Variants in PCMTD1 observed in about 807,000 individuals in gnomAD.
PCMTD1 encodes the protein protein-L-isoaspartate (D-aspartate) O-methyltransferase domain containing 1.
A neutral mutation model predicts 37.6 loss-of-function variants in PCMTD1; 12 were observed. That is an observed-to-expected ratio of 0.32 (90% CI 0.20 to 0.52). PCMTD1 has a LOEUF of 0.52. Among genes scored for constraint, PCMTD1 ranks in the 20% least tolerant of loss-of-function variants. PCMTD1 has a pLI of 0.97. For synonymous variants in PCMTD1, 117 were observed against 135.8 expected, an observed-to-expected ratio of 0.86 and a Z score of 0.96; for missense variants, 235 against 421.3, an observed-to-expected ratio of 0.56 and a Z score of 3.87.
At chr8:51,831,724 CTATAAGA>C (rs1254109380) in intron 4 of PCMTD1, among the ~76,000 whole-genome samples, 157 bp from the exon 5 acceptor site, 8 of 152,130 alleles carry the variant, frequency 5.3e-5, no homozygotes, top group Admixed American at 3.9e-4. Flanking sequence ...TAAATATTTA[CTATAAGA>C]TATAAAAGGA....
intron 1 of PCMTD1, among the ~76,000 whole-genome samples, chr8:51,871,492 G>A (rs768869538): frequency 6.6e-6 from 1 of 152,158 alleles, no homozygotes; most frequent in Non-Finnish European, 1.5e-5. Flanking sequence ...AAACTCTTTG[G>A]TTTAATTCCA....
chr8:51,897,803 A>G (rs1237078394), intron 1 of PCMTD1, among the ~76,000 whole-genome samples: 1 of 152,212 alleles, frequency 6.6e-6, no homozygotes, highest in East Asian at 1.9e-4. Flanking sequence ...TCTAATACAT[A>G]GTAATAATGT....
At chr8:51,850,961 C>G (rs995953706) in intron 2 of PCMTD1, among the ~76,000 whole-genome samples, 1 of 151,878 alleles carries the variant, frequency 6.6e-6, no homozygotes, top group East Asian at 1.9e-4. Flanking sequence ...TAAAACAGAC[C>G]AAAGGTGAAT....
intron 5 of PCMTD1, among the ~76,000 whole-genome samples, chr8:51,829,035 C>T (rs1462468061): frequency 6.6e-6 from 1 of 152,118 alleles, no homozygotes; most frequent in East Asian, 1.9e-4. Flanking sequence ...CGAAAGTATA[C>T]GTTACTAACA....
chr8:51,893,945 A>G (rs1455210000), intron 1 of PCMTD1, among the ~76,000 whole-genome samples: 2 of 152,244 alleles, frequency 1.3e-5, no homozygotes, highest in Non-Finnish European at 2.9e-5. Flanking sequence ...AAGGAACAGT[A>G]AGACATAGTT....
At chr8:51,844,751 T>G (rs2038194883) in intron 3 of PCMTD1, 1 of 152,208 alleles carries the variant, frequency 6.6e-6, no homozygotes, top group African/African-American at 2.4e-5. Flanking sequence ...TAGATCTTTC[T>G]AGAGAAAAGC....
chr8:51,857,000 G>T (rs2038399763), intron 2 of PCMTD1, among the ~76,000 whole-genome samples: 1 of 152,196 alleles, frequency 6.6e-6, no homozygotes, highest in Admixed American at 6.5e-5. Context: ...GAGGCAGAGC[G>T]AGCAAGAGAG....
At chr8:51,855,826 A>G (rs1262522895) in intron 2 of PCMTD1, among the ~76,000 whole-genome samples, 3 of 151,796 alleles carry the variant, frequency 2.0e-5, no homozygotes, top group African/African-American at 7.2e-5. Flanking sequence ...TGCCTGGCTA[A>G]TTTTTTGATG....
intron 1 of PCMTD1, among the ~76,000 whole-genome samples, chr8:51,879,705 T>C (rs2038765179): frequency 6.6e-6 from 1 of 152,132 alleles, no homozygotes; most frequent in African/African-American, 2.4e-5. Context: ...GAAGACATTC[T>C]AAATTAAAAA....
chr8:51,823,365 G>T (rs2037875978), intron 5 of PCMTD1, among the ~76,000 whole-genome samples: 1 of 152,210 alleles, frequency 6.6e-6, no homozygotes, highest in African/African-American at 2.4e-5. Context: ...TCAGTAGGCT[G>T]AGATGGGAGG....
At chr8:51,887,116 G>A (rs1027429864) in intron 1 of PCMTD1, among the ~76,000 whole-genome samples, 1 of 151,958 alleles carries the variant, frequency 6.6e-6, no homozygotes, top group African/African-American at 2.4e-5. Flanking sequence ...TGGGCTTATC[G>A]GGATAATCCA....
chr8:51,865,400 T>C (rs1352836219), intron 1 of PCMTD1, among the ~76,000 whole-genome samples: 1 of 152,100 alleles, frequency 6.6e-6, no homozygotes, highest in East Asian at 1.9e-4. Context: ...CTAATATCCC[T>C]GATGAACATA....
chr8:51,856,880 T>C (rs895631190), intron 2 of PCMTD1, among the ~76,000 whole-genome samples: 2 of 152,166 alleles, frequency 1.3e-5, no homozygotes, highest in East Asian at 1.9e-4. Context: ...CAACTAGGCA[T>C]GGGGAATAAT....
chr8:51,873,272 C>T (rs941903580), intron 1 of PCMTD1, among the ~76,000 whole-genome samples: 2 of 152,032 alleles, frequency 1.3e-5, no homozygotes, highest in East Asian at 1.9e-4. Context: ...ATTTCCCATA[C>T]AATAAAGGGA....
chr8:51,874,419 G>T (rs2038683846), intron 1 of PCMTD1, among the ~76,000 whole-genome samples: 1 of 108,262 alleles, frequency 9.2e-6, no homozygotes, highest in African/African-American at 2.5e-5. Context: ...ACCAGGGAAA[G>T]AATTTCAAAG....
intron 5 of PCMTD1, among the ~76,000 whole-genome samples, chr8:51,826,570 AAC>A (rs776931881): frequency 1.3e-5 from 2 of 152,204 alleles, no homozygotes; most frequent in Non-Finnish European, 2.9e-5. Flanking sequence ...GGTTATCTCT[AAC>A]ACACACATTA....
At chr8:51,860,259 T>A (rs2038451946) in intron 2 of PCMTD1, among the ~76,000 whole-genome samples, 3 of 152,226 alleles carry the variant, frequency 2.0e-5, no homozygotes, top group Non-Finnish European at 4.4e-5. Context: ...AAACAATACC[T>A]AGCATTTAAC....
chr8:51,862,056 C>G (rs1445998506), intron 1 of PCMTD1, among the ~76,000 whole-genome samples: 1 of 151,518 alleles, frequency 6.6e-6, no homozygotes, highest in African/African-American at 2.4e-5. Flanking sequence ...CTTTATAGTA[C>G]AGTATAGTAT....
chr8:51,821,841 T>G (rs1023510746), intron 5 of PCMTD1, among the ~76,000 whole-genome samples: 2 of 151,682 alleles, frequency 1.3e-5, no homozygotes, highest in Non-Finnish European at 2.9e-5. Flanking sequence ...GTTCAAGCGA[T>G]TCTCCTGCCT....
Sources: gnomAD v4.1 joint callset for allele counts (sites outside exome capture counted in the v4.1 genomes callset) on GRCh38, gnomAD v4.1.1 for gene constraint, MANE v1.5 for transcripts, NCBI Gene and HGNC (gene_info 2026-07-23, HGNC 2026-07-21) for gene names.